Variants in MTHFSD observed in about 807,000 individuals in gnomAD.
The protein encoded by MTHFSD is methenyltetrahydrofolate synthetase domain containing.
In MTHFSD, 37 loss-of-function variants were observed where a neutral mutation model predicts 31.1. That is an observed-to-expected ratio of 1.19 (90% CI 0.91 to 1.56). The LOEUF is 1.56. Ranked by LOEUF, MTHFSD falls within the 40% of genes most tolerant of loss-of-function variation. MTHFSD has a pLI of 0.00. For missense variants in MTHFSD, 664 were observed against 510.1 expected (o/e 1.30, Z -2.91); for synonymous variants, 221 against 206.9 (o/e 1.07, Z -0.59).
In MTHFSD at chr16:86,551,421, T is replaced by C. The variant is rs555312148; in HGVS notation, c.237+612A>G. Among the ~76,000 whole-genome samples the C allele has an allele frequency of 4.6e-5, 7 of 152,370 alleles. No homozygotes were observed. In the South Asian group the frequency reaches 1.2e-3, roughly 27 times the overall value. On this transcript the variant is annotated intron_variant, in intron 3 of 7. Coordinates refer to ENST00000360900, the MANE Select transcript of MTHFSD (RefSeq NM_001159377.2). ...TGTGGCAAAAAGAACTAAATCTTCC[T>C]TGTAATCTTCCTCCTCTGATGAAGC...
In MTHFSD at chr16:86,530,836, G is replaced by A. The variant is rs1354477203; in HGVS notation, c.*1175C>T. The A allele has an allele frequency of 1.3e-5, 2 of 152,198 alleles. No homozygotes were observed. The highest frequency in any genetic ancestry group is 6.5e-5 in the Admixed American group (1 of 15,270). 9.4% of individuals were successfully genotyped at this position (152,198 alleles called of 1,614,324 possible). On this transcript the variant is annotated 3_prime_UTR_variant, in exon 8 of 8. Coordinates refer to ENST00000360900, the MANE Select transcript of MTHFSD (RefSeq NM_001159377.2). ...CCGAGGGCCCAGGGCCAGGTGTGGC[G>A]CTTCCAGACGTTTCTACTCTCTCAT... is the stretch of plus-strand genomic sequence containing the variant.
chr16:86,541,968 C>T (rs996937744), intron 6 of MTHFSD, 133 bp downstream of exon 6: 2 of 1,351,678 alleles, frequency 1.5e-6, no homozygotes, highest in Non-Finnish European at 2.0e-6. Flanking sequence ...GTACCACTAG[C>T]AAGTCCAGCC....
Position 86,541,770 on chromosome 16 carries a change from T to C in MTHFSD, c.608A>G (p.Tyr203Cys), listed in dbSNP as rs530702827. 1.9e-6 allele frequency: 3 copies of C among 1,614,190 alleles called. No homozygotes were observed. The East Asian group carries it at 6.7e-5, about 36-fold the overall frequency. The stretch of plus-strand genomic sequence containing the variant: ...GATGACTCTGGTTGGAGTGAGGATG[T>C]AGTCCACAGTGATGTCGTGCTCCTC... ...LVEEHDITVD[Y>C]ILTPTRVIAT... Residue 203 changes from tyrosine to cysteine, a missense_variant, in exon 7 of 8, where the codon TAC (tyrosine) becomes TGC (cysteine). Transcript: ENST00000360900.
chr16:86,535,264 A>G (rs1019156483), intron 7 of MTHFSD: 2 of 985,312 alleles, frequency 2.0e-6, no homozygotes, highest in Admixed American at 6.1e-5. Context: ...CGCTCTTTTC[A>G]TGAGCAGTGT....
Position 86,552,058 on chromosome 16 carries a change from T to G in MTHFSD, c.212A>C (p.Glu71Ala). ...EVKVDPDKPL[E>A]GVRLLVLQSK... ...CTGCAGCACCAGCAGCCGAACGCCTTCCAGTGGTTTATCAGGGTCCACTTT... is the reference window on the plus strand; with the variant it reads ...CTGCAGCACCAGCAGCCGAACGCCTGCCAGTGGTTTATCAGGGTCCACTTT... Residue 71 changes from glutamate (E) to alanine (A), a missense_variant, in exon 3 of 8, where the codon GAA (glutamate) becomes GCA (alanine). Glu to Ala is a moderately radical substitution (Grantham distance 107, BLOSUM62 -1). Coordinates refer to ENST00000360900, the MANE Select transcript of MTHFSD (RefSeq NM_001159377.2). The G allele has an allele frequency of 6.2e-7, 1 of 1,614,186 alleles. No homozygotes were observed. Among genetic ancestry groups the G allele is most frequent in the East Asian group, 2.2e-5 (1 of 44,882 alleles).
rs2143239248 is a variant in MTHFSD, at chr16:86,530,308, G to C, written c.*1703C>G. 6.6e-6 allele frequency: 1 copy of C among 152,306 alleles called. No homozygotes were observed. The highest frequency in any genetic ancestry group is 2.4e-5 in the African/African-American group (1 of 41,542). 9.4% of individuals were successfully genotyped at this position (152,306 alleles called of 1,614,324 possible). A position where few individuals can be genotyped will look rare whatever the true frequency, so the allele number is the denominator to read the frequency against. ...ATATCCATATACCTGGATTATTCTG[G>C]CTAAAGCGACAGGAAATCCCAGCAG... On this transcript the variant is annotated 3_prime_UTR_variant, in exon 8 of 8. Coordinates refer to ENST00000360900, the MANE Select transcript of MTHFSD (RefSeq NM_001159377.2).
rs1971506124 is a variant in MTHFSD at position 86,541,488 on chromosome 16, C to T, written c.681+209G>A. The T allele has an allele frequency of 1.8e-5, 13 of 737,096 alleles. 1 individual carries two copies. In the South Asian group the frequency reaches 2.3e-4, roughly 13 times the overall value. The allele number at this position is 737,096 out of a possible 1,614,324, so 45.7% of individuals were successfully genotyped here. Reference sequence around the variant, plus strand: ...CAGAGGCAGATTTTAAACCTAGCTGCTTTTTCGAATCCCAGAGATCCATAC... The same window carrying T: ...CAGAGGCAGATTTTAAACCTAGCTGTTTTTTCGAATCCCAGAGATCCATAC... On this transcript the variant is annotated intron_variant, in intron 7 of 7. Coordinates refer to ENST00000360900, the MANE Select transcript of MTHFSD (RefSeq NM_001159377.2).
At chr16:86,532,592 C>G (rs1416199309) in intron 7 of MTHFSD, 111 bp from the exon 8 acceptor site, 1 of 867,008 alleles carries the variant, frequency 1.2e-6, no homozygotes, top group African/African-American at 1.7e-5. Context: ...GGACTGGATG[C>G]CAAGTGGTCT....
intron 2 of MTHFSD, among the ~76,000 whole-genome samples, chr16:86,554,146 G>C (rs1410891682): frequency 6.6e-6 from 1 of 152,134 alleles, no homozygotes; most frequent in African/African-American, 2.4e-5. Context: ...TGGAAGGTTT[G>C]TTCTTTGCAA....
At chr16:86,546,796 G>A (rs925791585) in intron 4 of MTHFSD, 147 bp from the exon 5 acceptor site, 2 of 692,352 alleles carry the variant, frequency 2.9e-6, no homozygotes, top group East Asian at 5.5e-5. Flanking sequence ...TGGCGTTTCA[G>A]GAGAAGCCGC....
intron 3 of MTHFSD, 130 bp from the exon 4 acceptor site, chr16:86,548,707 C>G (rs1972698228): frequency 1.5e-6 from 1 of 681,864 alleles, no homozygotes; most frequent in African/African-American, 1.9e-5. Flanking sequence ...TGGTGTGTGC[C>G]AAGGAAATTA....
At position 86,547,265 on chromosome 16, in the gene MTHFSD, A is replaced by G. The variant is rs1326660685; in HGVS notation, c.352-616T>C. ...ATGTCCCAAAAGTGTACCGCTTTATACTAATGCAGGCATGCATATAAAGAA... is the reference window on the plus strand; with the variant it reads ...ATGTCCCAAAAGTGTACCGCTTTATGCTAATGCAGGCATGCATATAAAGAA... On this transcript the variant is annotated intron_variant, in intron 4 of 7. Coordinates refer to ENST00000360900, the MANE Select transcript of MTHFSD (RefSeq NM_001159377.2). 3.0e-6 allele frequency: 3 copies of G among 985,740 alleles called. No individual in the cohort carries two copies. The African/African-American group carries it at 5.2e-5, about 17-fold the overall frequency. 61.1% of individuals were successfully genotyped at this position (985,740 alleles called of 1,614,324 possible). A position where few individuals can be genotyped will look rare whatever the true frequency, so the allele number is the denominator to read the frequency against.
chr16:86,546,032 G>A (rs528487946), intron 5 of MTHFSD, among the ~76,000 whole-genome samples: 2 of 152,372 alleles, frequency 1.3e-5, no homozygotes, highest in African/African-American at 4.8e-5. Flanking sequence ...TGGACCGAGA[G>A]CAGCCTGCCT....
At position 86,542,408 on chromosome 16, in the gene MTHFSD, A is replaced by G. The variant is rs1971655700; in HGVS notation, c.443-195T>C. 1.7e-6 allele frequency: 1 copy of G among 581,522 alleles called. No individual in the cohort carries two copies. Among genetic ancestry groups the G allele is most frequent in the Admixed American group, 3.1e-5 (1 of 31,772 alleles). The allele number at this position is 581,522 out of a possible 1,614,324, so 36.0% of individuals were successfully genotyped here. ...GATGGACTTTTGGGCATTCAACAGGAATAACAACACGGCCAATGTCAGGTG... is the reference window on the plus strand; with the variant it reads ...GATGGACTTTTGGGCATTCAACAGGGATAACAACACGGCCAATGTCAGGTG... On this transcript the variant is annotated intron_variant, in intron 5 of 7. Transcript: ENST00000360900. This position sits in a 1 kb window ranked among gnomAD's most constrained non-coding sequence, Gnocchi z 4.6.
At chr16:86,533,300 A>G (rs1970231119) in intron 7 of MTHFSD, 1 of 152,290 alleles carries the variant, frequency 6.6e-6, no homozygotes, top group Non-Finnish European at 1.5e-5. Context: ...GGCAGTTTGC[A>G]CTGGGGGCTG....
intron 7 of MTHFSD, chr16:86,541,404 G>A (rs1971492748): frequency 1.7e-6 from 1 of 572,406 alleles, no homozygotes; most frequent in South Asian, 2.1e-5. Context: ...AAAAACAGGG[G>A]GCAAGTAAAG....
At position 86,532,112 on chromosome 16, in the gene MTHFSD, C is replaced by A. The variant is rs1187617668; in HGVS notation, c.1051G>T (p.Asp351Tyr). ...ACGGCCTGCTGGGCTGCGGCAGAGTCCGGGTAATGGAGGAAGGCTCTGCGC... is the reference window on the plus strand; with the variant it reads ...ACGGCCTGCTGGGCTGCGGCAGAGTACGGGTAATGGAGGAAGGCTCTGCGC... ...PRRRAFLHYP[D>Y]SAAAQQAVSC... Residue 351 changes from aspartate to tyrosine, a missense_variant, in exon 8 of 8, where the codon GAC becomes TAC. Physicochemically the swap from Asp to Tyr is radical, Grantham distance 160. Transcript: ENST00000360900. 3 of 1,544,078 alleles carry A rather than the reference C, an allele frequency of 1.9e-6. No individual in the cohort carries two copies. The highest frequency in any genetic ancestry group is 2.8e-5 in the African/African-American group (2 of 72,664).
intron 7 of MTHFSD, chr16:86,541,078 A>G: frequency 1.6e-6 from 2 of 1,260,770 alleles, no homozygotes; most frequent in Non-Finnish European, 2.1e-6. Flanking sequence ...CACACGAAGC[A>G]CAAATGTCTT....
chr16:86,554,484 A>C (rs16941524), intron 2 of MTHFSD, among the ~76,000 whole-genome samples, 161 bp downstream of exon 2: 4,889 of 152,318 alleles, frequency 0.032, 111 homozygotes, highest in Middle Eastern at 0.088. Context: ...ACGTCTCTAA[A>C]TGCTAAGGAC....
Sources: allele counts gnomAD v4.1 joint callset (sites outside exome capture counted in the v4.1 genomes callset), GRCh38; gene constraint gnomAD v4.1.1; non-coding constraint Gnocchi (gnomAD v3.1); transcripts MANE v1.5; gene names NCBI Gene and HGNC (gene_info 2026-07-23, HGNC 2026-07-21).